Variants in PRMT8 observed in about 807,000 individuals in gnomAD.
PRMT8 encodes the protein protein arginine methyltransferase 8.
A neutral mutation model predicts 47.1 loss-of-function variants in PRMT8; 7 were observed. The ratio of observed to expected loss-of-function variants is 0.15; its 90% CI spans 0.08 to 0.28. The LOEUF is 0.28. Ranked by LOEUF, PRMT8 falls within the 10% of genes least tolerant of loss-of-function variation. PRMT8 has a pLI of 1.00. For synonymous variants in PRMT8, 188 were observed against 186.5 expected (o/e 1.01, Z -0.07); for missense variants, 237 against 505.4 (o/e 0.47, Z 5.09).
intron 1 of PRMT8, among the ~76,000 whole-genome samples, chr12:3,403,284 A>G (rs965386307): frequency 1.3e-5 from 2 of 152,110 alleles, no homozygotes; most frequent in South Asian, 2.1e-4. Context: ...ACATGGACAC[A>G]TGAGGGGAAC....
chr12:3,591,807 G>A (rs904852403), intron 8 of PRMT8, among the ~76,000 whole-genome samples: 1 of 152,172 alleles, frequency 6.6e-6, no homozygotes, highest in African/African-American at 2.4e-5. Context: ...AGGGGAGATA[G>A]GAGGGCCTAC....
At chr12:3,474,401 C>G (rs1187104919) in intron 1 of PRMT8, among the ~76,000 whole-genome samples, 2 of 152,190 alleles carry the variant, frequency 1.3e-5, no homozygotes, top group Admixed American at 6.5e-5. Context: ...CTTCCATTTG[C>G]CTTTTTCTCT....
chr12:3,452,068 C>T (rs1279182215), intron 1 of PRMT8, among the ~76,000 whole-genome samples: 1 of 152,170 alleles, frequency 6.6e-6, no homozygotes, highest in East Asian at 1.9e-4. Context: ...GGCTTCCAGA[C>T]AGCTGAGCTG....
chr12:3,475,110 G>C (rs966975222), intron 1 of PRMT8, among the ~76,000 whole-genome samples: 5 of 152,184 alleles, frequency 3.3e-5, no homozygotes, highest in Non-Finnish European at 7.3e-5. Context: ...CTGACTGCCT[G>C]GCCACTAAAA....
chr12:3,567,295 C>T (rs1374106446), intron 4 of PRMT8, among the ~76,000 whole-genome samples: 2 of 152,176 alleles, frequency 1.3e-5, no homozygotes, highest in Non-Finnish European at 2.9e-5. Context: ...TTAGTTAGGT[C>T]AAGTAACTTG....
intron 1 of PRMT8, 133 bp downstream of exon 1, chr12:3,491,833 T>G: frequency 2.3e-5 from 1 of 43,462 alleles, no homozygotes; most frequent in South Asian, 2.5e-4. Context: ...GGCCTCCTCC[T>G]GTGTGTGTGT....
At position 3,514,724 on chromosome 12, in the gene PRMT8, G is replaced by A. The variant is rs1448201789; in HGVS notation, c.75+23024G>A. Among the ~76,000 whole-genome samples the A allele has an allele frequency of 6.6e-6, 1 of 152,104 alleles. No individual in the cohort carries two copies. The highest frequency in any genetic ancestry group is 1.5e-5 in the Non-Finnish European group (1 of 68,000). ...GCAACAGGAGCACCAGTGGGAGGGT[G>A]GGGGAGGGAGGGGCATTGATTCCCT... On this transcript the variant is annotated intron_variant, in intron 1 of 9. Transcript: ENST00000382622. The surrounding 1 kb of genome is among the most constrained non-coding windows in gnomAD (Gnocchi z 5.9).
Position 3,473,086 on chromosome 12 carries a change from T to C in PRMT8, c.49-67520T>C, listed in dbSNP as rs541078670. ...ATAACAAGACCTCCTCTCAGCCCTTTGTCCCTATGAAACTGTGGCCTCATC... is the reference window on the plus strand; with the variant it reads ...ATAACAAGACCTCCTCTCAGCCCTTCGTCCCTATGAAACTGTGGCCTCATC... On this transcript the variant is annotated intron_variant, in intron 1 of 9. Coordinates refer to the PRMT8 transcript ENST00000452611. Among the ~76,000 whole-genome samples the C allele has an allele frequency of 1.3e-3, 192 of 152,314 alleles. 1 individual carries two copies. The highest frequency in any genetic ancestry group is 4.3e-3 in the African/African-American group (177 of 41,554).
intron 1 of PRMT8, among the ~76,000 whole-genome samples, chr12:3,435,516 C>CTT (rs1405705974): frequency 6.8e-6 from 1 of 146,312 alleles, no homozygotes; most frequent in African/African-American, 2.5e-5. Context: ...TTTTTTTCTT[C>CTT]TTTTTTTTTC....
Position 3,508,691 on chromosome 12 carries a change from C to A in PRMT8, c.75+16991C>A, listed in dbSNP as rs924046095. 6.6e-6 allele frequency among the ~76,000 whole-genome samples: 1 copy of A among 152,198 alleles called. No homozygotes were observed. Among genetic ancestry groups the A allele is most frequent in the Non-Finnish European group, 1.5e-5 (1 of 68,034 alleles). On this transcript the variant is annotated intron_variant, in intron 1 of 9. Transcript: ENST00000382622. This position sits in a 1 kb window ranked among gnomAD's most constrained non-coding sequence, Gnocchi z 4.9. ...CTGTCTCCGGGTGACCCCATCCACT[C>A]TCTCAGCGTCATGACCAGTTCCCAT...
At chr12:3,525,529 A>G (rs1865939699) in intron 1 of PRMT8, among the ~76,000 whole-genome samples, 1 of 152,192 alleles carries the variant, frequency 6.6e-6, no homozygotes, top group East Asian at 1.9e-4. Flanking sequence ...TTCAGGACCC[A>G]CAGATATTCC....
chr12:3,505,089 G>A (rs1210099089), intron 1 of PRMT8, among the ~76,000 whole-genome samples: 2 of 143,396 alleles, frequency 1.4e-5, no homozygotes, highest in African/African-American at 5.2e-5. Context: ...ACACTGGCCT[G>A]CGCCCACTGT....
chr12:3,490,515 G>A (rs1236377405), upstream of PRMT8, among the ~76,000 whole-genome samples: 1 of 149,124 alleles, frequency 6.7e-6, no homozygotes, highest in Non-Finnish European at 1.5e-5. Context: ...AGAGAAATGC[G>A]TGGGCAGGGG....
chr12:3,543,539 G>A (rs1866270251), intron 2 of PRMT8, among the ~76,000 whole-genome samples: 1 of 152,190 alleles, frequency 6.6e-6, no homozygotes, highest in Admixed American at 6.5e-5. Context: ...AGCCCCACCG[G>A]CCTGCTGATT....
chr12:3,582,981 A>G, intron 7 of PRMT8, 77 bp from the exon 8 acceptor site: 1 of 1,526,570 alleles, frequency 6.6e-7, no homozygotes. Flanking sequence ...AGTCTCTCAC[A>G]GAACGAGGCT....
intron 1 of PRMT8, among the ~76,000 whole-genome samples, chr12:3,398,054 C>T (rs950702402): frequency 1.3e-5 from 2 of 152,208 alleles, no homozygotes; most frequent in African/African-American, 4.8e-5. Flanking sequence ...AATGCCTCGC[C>T]CTGCTTCGGC....
intron 1 of PRMT8, among the ~76,000 whole-genome samples, chr12:3,402,828 G>A (rs1013547121): frequency 5.9e-5 from 9 of 152,166 alleles, no homozygotes; most frequent in African/African-American, 1.7e-4. Flanking sequence ...ATAGATGCTG[G>A]TGAGGTTGTG....
intron 1 of PRMT8, among the ~76,000 whole-genome samples, chr12:3,433,109 C>T (rs954053613): frequency 2.0e-5 from 3 of 152,204 alleles, no homozygotes; most frequent in Non-Finnish European, 4.4e-5. Flanking sequence ...CTCTCCAATG[C>T]TTGGTGGTAG....
At chr12:3,507,949 T>TC (rs1470864196) in intron 1 of PRMT8, among the ~76,000 whole-genome samples, 1 of 152,064 alleles carries the variant, frequency 6.6e-6, no homozygotes, top group Non-Finnish European at 1.5e-5. Context: ...TCCCCTTTTT[T>TC]CCCACATTAA....
Sources: allele counts gnomAD v4.1 joint callset (sites outside exome capture counted in the v4.1 genomes callset), GRCh38; gene constraint gnomAD v4.1.1; non-coding constraint Gnocchi (gnomAD v3.1); transcripts MANE v1.5; gene names NCBI Gene and HGNC (gene_info 2026-07-23, HGNC 2026-07-21).